Variants in ARHGAP10 observed in about 807,000 individuals in gnomAD.
The protein encoded by ARHGAP10 is rho GTPase-activating protein 10.
A neutral mutation model predicts 108.6 loss-of-function variants in ARHGAP10; 87 were observed. The observed-to-expected ratio is 0.80, with a 90% CI of 0.67 to 0.96. The LOEUF (loss-of-function observed/expected upper bound fraction) is 0.96. Ranked by LOEUF, ARHGAP10 falls within the 40% of genes least tolerant of loss-of-function variation. The pLI, the probability that ARHGAP10 is intolerant of heterozygous loss-of-function variation, is 0.00. For synonymous variants in ARHGAP10, 347 were observed against 341.1 expected, an observed-to-expected ratio of 1.02 and a Z score of -0.19; for missense variants, 939 against 954.5, an observed-to-expected ratio of 0.98 and a Z score of 0.21.
intron 1 of ARHGAP10, among the ~76,000 whole-genome samples, chr4:147,756,489 C>T (rs571592878): frequency 2.6e-5 from 4 of 152,108 alleles, no homozygotes; most frequent in Non-Finnish European, 5.9e-5. Context: ...CCCCCTTATC[C>T]GTGGTTTCAG....
At chr4:147,815,753 C>T (rs929694131) in intron 1 of ARHGAP10, among the ~76,000 whole-genome samples, 12 of 152,080 alleles carry the variant, frequency 7.9e-5, no homozygotes, top group African/African-American at 2.7e-4. Context: ...GTAGTCCCAG[C>T]TACTCAAGAG....
intron 13 of ARHGAP10, among the ~76,000 whole-genome samples, chr4:147,916,320 G>T (rs890902423): frequency 6.6e-6 from 1 of 151,976 alleles, no homozygotes; most frequent in Non-Finnish European, 1.5e-5. Context: ...ATATTTATTG[G>T]AACATAAACA....
At chr4:147,735,465 G>C (rs1020088711) in intron 1 of ARHGAP10, among the ~76,000 whole-genome samples, 9 of 152,204 alleles carry the variant, frequency 5.9e-5, no homozygotes, top group Non-Finnish European at 1.2e-4. Flanking sequence ...GAAGAAACCA[G>C]AACACTCGAG....
At chr4:147,785,656 A>G (rs1730862764) in intron 1 of ARHGAP10, among the ~76,000 whole-genome samples, 1 of 152,150 alleles carries the variant, frequency 6.6e-6, no homozygotes, top group Non-Finnish European at 1.5e-5. Context: ...TCTTAAAATG[A>G]AAATACTAAG....
intron 15 of ARHGAP10, among the ~76,000 whole-genome samples, chr4:147,953,828 C>G (rs1049242592): frequency 6.6e-6 from 1 of 151,748 alleles, no homozygotes; most frequent in Non-Finnish European, 1.5e-5. Flanking sequence ...TTCCTCATAG[C>G]TCATTAAGGT....
At position 147,966,759 on chromosome 4, in the gene ARHGAP10, C is replaced by G; in HGVS notation, c.1636C>G (p.Gln546Glu). Residue 546 changes from glutamine to glutamate, a missense_variant, in exon 18 of 23, where the codon CAG (glutamine) becomes GAG (glutamate). Physicochemically the swap from Gln to Glu is conservative, Grantham distance 29. Coordinates refer to ENST00000336498, the MANE Select transcript of ARHGAP10 (RefSeq NM_024605.4). Reference protein sequence around the residue: ...VVFGPTLMRPQEETVAALMDL... With the variant: ...VVFGPTLMRPEEETVAALMDL... ...GTTTGGACCAACTCTGATGAGGCCA[C>G]AGGAAGAAACTGTCGCTGCCCTCAT... The G allele has an allele frequency of 1.2e-6, 2 of 1,607,398 alleles. No individual in the cohort carries two copies. Among genetic ancestry groups the G allele is most frequent in the South Asian group, 2.2e-5 (2 of 89,998 alleles).
chr4:147,785,339 C>T (rs530855060), intron 1 of ARHGAP10, among the ~76,000 whole-genome samples: 3 of 152,014 alleles, frequency 2.0e-5, no homozygotes, highest in South Asian at 4.1e-4. Context: ...TTTCTGTTCT[C>T]TGGTCCCGGA....
chr4:147,763,120 A>G (rs1192092561), intron 1 of ARHGAP10, among the ~76,000 whole-genome samples: 3 of 152,182 alleles, frequency 2.0e-5, no homozygotes, highest in East Asian at 3.8e-4. Flanking sequence ...GTGGTTCTCA[A>G]CTTTCAGTAT....
chr4:147,939,918 C>T lies in ARHGAP10; in HGVS notation c.1303+19C>T, dbSNP rs1294643539. On this transcript the variant is annotated intron_variant, in intron 14 of 22. Transcript: ENST00000336498. The stretch of plus-strand genomic sequence containing the variant: ...TTGATGGGTATGCCTCTTTTCTAAT[C>T]ATTTTTCCATGTGTTATTTGTGTAT... The T allele has an allele frequency of 1.3e-6, 2 of 1,595,002 alleles. No homozygotes were observed. Among genetic ancestry groups the T allele is most frequent in the Non-Finnish European group, 8.6e-7 (1 of 1,164,130 alleles).
chr4:147,929,960 T>C (rs528315747), intron 13 of ARHGAP10, among the ~76,000 whole-genome samples: 52 of 152,362 alleles, frequency 3.4e-4, no homozygotes, highest in African/African-American at 1.1e-3. Flanking sequence ...TGTGTATATA[T>C]ATGCACATGT....
intron 18 of ARHGAP10, among the ~76,000 whole-genome samples, chr4:148,003,918 A>G (rs1346913794): frequency 6.6e-6 from 1 of 152,246 alleles, no homozygotes; most frequent in African/African-American, 2.4e-5. Flanking sequence ...GCAAGTGAAG[A>G]ACACCTATGT....
chr4:147,860,347 C>T (rs946775834), intron 5 of ARHGAP10, among the ~76,000 whole-genome samples: 79 of 152,268 alleles, frequency 5.2e-4, no homozygotes, highest in African/African-American at 1.8e-3. Context: ...GAGGCTGAGG[C>T]AGGAGAATGG....
chr4:147,891,144 T>C (rs1735781084), intron 10 of ARHGAP10, among the ~76,000 whole-genome samples: 1 of 152,266 alleles, frequency 6.6e-6, no homozygotes, highest in East Asian at 1.9e-4. Flanking sequence ...TCAAGAGAAA[T>C]GAAAGCATAT....
chr4:147,870,010 G>T (rs1356952691), intron 7 of ARHGAP10, among the ~76,000 whole-genome samples: 12,795 of 148,006 alleles, frequency 0.086, 803 homozygotes, highest in East Asian at 0.14. Context: ...GTGTGTGTGT[G>T]TGTGTGTGTG....
At chr4:147,761,994 A>T (rs949611158) in intron 1 of ARHGAP10, among the ~76,000 whole-genome samples, 21 of 152,014 alleles carry the variant, frequency 1.4e-4, no homozygotes, top group Non-Finnish European at 2.5e-4. Flanking sequence ...TCCATTAGAA[A>T]TTCATTCCCT....
At chr4:148,060,539 A>G (rs1347130530) in intron 20 of ARHGAP10, among the ~76,000 whole-genome samples, 1 of 152,072 alleles carries the variant, frequency 6.6e-6, no homozygotes, top group Non-Finnish European at 1.5e-5. Context: ...CCTCTATCCA[A>G]GCAGCTACTG....
rs561603819 is a variant in ARHGAP10 at position 147,910,112 on chromosome 4, ATCCTCCCACTTCAGTC to A, written c.1162+340_1162+355del. 5.7e-4 allele frequency among the ~76,000 whole-genome samples: 86 copies of A among 152,112 alleles called. 1 individual carries two copies. The South Asian group carries it at 0.017, about 30-fold the overall frequency. On this transcript the variant is annotated intron_variant, in intron 12 of 22. Coordinates refer to ENST00000336498, the MANE Select transcript of ARHGAP10 (RefSeq NM_024605.4). ...AGCTTCAACCTCCTGGGCTCAAGTG[ATCCTCCCACTTCAGTC>A]TCCTGAGTAGCTGGGACTACAGGCA...
At chr4:147,732,790 A>G (rs1728275196) in intron 1 of ARHGAP10, among the ~76,000 whole-genome samples, 1 of 152,154 alleles carries the variant, frequency 6.6e-6, no homozygotes, top group Non-Finnish European at 1.5e-5. Context: ...CCTGGCCCGG[A>G]GTCAGGTTTC....
At chr4:147,775,542 C>T (rs1730252249) in intron 1 of ARHGAP10, among the ~76,000 whole-genome samples, 2 of 152,170 alleles carry the variant, frequency 1.3e-5, no homozygotes, top group African/African-American at 4.8e-5. Context: ...TGTAGCCTGG[C>T]CTGGTAGGAG....
Sources: allele counts gnomAD v4.1 joint callset (sites outside exome capture counted in the v4.1 genomes callset), GRCh38; gene constraint gnomAD v4.1.1; transcripts MANE v1.5; gene names NCBI Gene and HGNC (gene_info 2026-07-23, HGNC 2026-07-21).